Variants in MCC observed in about 807,000 individuals in gnomAD.
MCC encodes MCC regulator of Wnt signaling pathway, also known as colorectal mutant cancer protein.
Under a neutral mutation model 116.2 loss-of-function variants are expected in MCC, and 90 were observed. The observed-to-expected ratio is 0.77, with a 90% CI of 0.65 to 0.92. The LOEUF (loss-of-function observed/expected upper bound fraction) is 0.92. Among genes scored for constraint, MCC ranks in the 40% least tolerant of loss-of-function variants. The pLI, the probability that MCC is intolerant of heterozygous loss-of-function variation, is 0.00. For synonymous variants in MCC, 578 were observed against 510.5 expected (o/e 1.13, Z -1.78); for missense variants, 1,516 against 1,312.2 (o/e 1.16, Z -2.40).
At chr5:113,262,179 C>A (rs1765242082) in intron 3 of MCC, among the ~76,000 whole-genome samples, 1 of 152,062 alleles carries the variant, frequency 6.6e-6, no homozygotes, top group African/African-American at 2.4e-5. Flanking sequence ...CTAGGATGTC[C>A]TGCACTTTCA....
chr5:113,419,244 C>A (rs4705819), intron 1 of MCC, among the ~76,000 whole-genome samples: 27,766 of 151,286 alleles, frequency 0.18, 3,013 homozygotes, highest in Admixed American at 0.31. Context: ...TATCATAGCT[C>A]ACTTCAGCCT....
intron 1 of MCC, among the ~76,000 whole-genome samples, chr5:113,392,686 A>C (rs1316735263): frequency 1.3e-5 from 2 of 152,174 alleles, no homozygotes; most frequent in African/African-American, 4.8e-5. Context: ...AATAATAGCT[A>C]ATACACACTG....
intron 3 of MCC, among the ~76,000 whole-genome samples, chr5:113,196,088 G>T (rs1380143018): frequency 3.3e-5 from 5 of 152,184 alleles, no homozygotes; most frequent in African/African-American, 1.2e-4. Context: ...CTTGTGCCTC[G>T]GTTGGCACAT....
At chr5:113,210,718 T>A (rs1376080057) in intron 3 of MCC, among the ~76,000 whole-genome samples, 1 of 152,156 alleles carries the variant, frequency 6.6e-6, no homozygotes, top group African/African-American at 2.4e-5. Context: ...AAAGTTAATA[T>A]CTAGTAAAGA....
intron 1 of MCC, among the ~76,000 whole-genome samples, chr5:113,482,051 T>C (rs976451687): frequency 6.6e-6 from 1 of 152,190 alleles, no homozygotes; most frequent in African/African-American, 2.4e-5. Context: ...TCACTTAGCA[T>C]TAATGTTTTC....
intron 2 of MCC, among the ~76,000 whole-genome samples, chr5:113,362,953 C>T (rs1309766097): frequency 6.6e-6 from 1 of 152,056 alleles, no homozygotes; most frequent in Admixed American, 6.6e-5. Context: ...CTGACTATAG[C>T]CTCTTGTGTT....
intron 1 of MCC, among the ~76,000 whole-genome samples, chr5:113,426,462 C>G (rs574627317): frequency 3.9e-4 from 59 of 152,244 alleles, no homozygotes; most frequent in Non-Finnish European, 4.9e-4. Context: ...AGTATGCAGC[C>G]AACGAAACAA....
chr5:113,071,088 G>GCCTCGCGCTGTGTT lies in MCC; in HGVS notation c.1925+5_1925+6insAACACAGCGCGAGG. On this transcript the variant is annotated splice_donor_region_variant and intron_variant, in intron 12 of 18. Transcript: ENST00000408903. The stretch of plus-strand genomic sequence containing the variant: ...AGTAGCTCCAAACATCCCAGTGTGT[G>GCCTCGCGCTGTGTT]CCTACCTGTACTGCAAGGCCAGCCT... 1.2e-6 allele frequency: 2 copies of GCCTCGCGCTGTGTT among 1,610,570 alleles called. No individual in the cohort carries two copies. Among genetic ancestry groups the GCCTCGCGCTGTGTT allele is most frequent in the Non-Finnish European group, 1.7e-6 (2 of 1,178,316 alleles).
chr5:113,122,967 C>G, intron 5 of MCC, 141 bp from the exon 6 acceptor site: 1 of 838,438 alleles, frequency 1.2e-6, no homozygotes, highest in Non-Finnish European at 1.9e-6. Context: ...GGATTTCTCC[C>G]AGGCGAAATA....
At chr5:113,362,114 CCTGA>C (rs1228722730) in intron 2 of MCC, among the ~76,000 whole-genome samples, 3 of 152,174 alleles carry the variant, frequency 2.0e-5, no homozygotes, top group South Asian at 2.1e-4. Flanking sequence ...TCTGGAAAGC[CCTGA>C]CTAATACAAT....
At chr5:113,294,403 T>G in intron 3 of MCC, 1 of 1,613,160 alleles carries the variant, frequency 6.2e-7, no homozygotes, top group Non-Finnish European at 8.5e-7. Flanking sequence ...TTTTCAGAGC[T>G]GGGCTCTCAG....
chr5:113,342,138 A>G (rs1178594230), intron 2 of MCC, among the ~76,000 whole-genome samples: 2 of 152,218 alleles, frequency 1.3e-5, no homozygotes, highest in African/African-American at 2.4e-5. Context: ...ATGGTCTCCA[A>G]TTCCATCCAG....
At chr5:113,121,608 C>A (rs569900603) in intron 6 of MCC, among the ~76,000 whole-genome samples, 23 of 152,328 alleles carry the variant, frequency 1.5e-4, no homozygotes, top group African/African-American at 5.1e-4. Flanking sequence ...TTTGGATACA[C>A]TCTCATAGTA....
chr5:113,472,650 G>T (rs1208904351), intron 1 of MCC, among the ~76,000 whole-genome samples: 1 of 152,162 alleles, frequency 6.6e-6, no homozygotes, highest in East Asian at 1.9e-4. Flanking sequence ...AGTAACTATT[G>T]ATTGTGAATA....
intron 5 of MCC, among the ~76,000 whole-genome samples, chr5:113,137,168 A>C (rs780400427): frequency 2.0e-5 from 3 of 152,200 alleles, no homozygotes; most frequent in African/African-American, 4.8e-5. Flanking sequence ...GGAAGCAGGC[A>C]CCTTCTCAAG....
intron 3 of MCC, among the ~76,000 whole-genome samples, chr5:113,272,385 A>T (rs1440750656): frequency 1.3e-5 from 2 of 152,176 alleles, no homozygotes; most frequent in Non-Finnish European, 2.9e-5. Context: ...ATCTCAGAGG[A>T]GCCTGCAAGT....
chr5:113,033,630 C>T (rs190464884), intron 17 of MCC, among the ~76,000 whole-genome samples: 57 of 152,282 alleles, frequency 3.7e-4, no homozygotes, highest in Admixed American at 3.1e-3. Context: ...TCCATATGCA[C>T]CTTCAATAGT....
intron 7 of MCC, among the ~76,000 whole-genome samples, chr5:113,103,196 A>G (rs1183390483): frequency 6.6e-6 from 1 of 152,232 alleles, no homozygotes; most frequent in East Asian, 1.9e-4. Flanking sequence ...ATAAGGGTAC[A>G]TCACTCTTGG....
At chr5:113,038,021 G>A (rs4075350) in intron 17 of MCC, among the ~76,000 whole-genome samples, 68,050 of 151,920 alleles carry the variant, frequency 0.45, 16,337 homozygotes, top group East Asian at 0.62. Flanking sequence ...ACTACAGAAT[G>A]ACCCATTAGG....
Sources: allele counts gnomAD v4.1 joint callset (sites outside exome capture counted in the v4.1 genomes callset), GRCh38; gene constraint gnomAD v4.1.1; transcripts MANE v1.5; gene names NCBI Gene and HGNC (gene_info 2026-07-23, HGNC 2026-07-21).